The following UGT1A3 variants were observed in gnomAD, a reference collection of about 807,000 sequenced individuals.
The protein encoded by UGT1A3 is UDP-glucuronosyltransferase 1A3.
A neutral mutation model predicts 41.0 loss-of-function variants in UGT1A3; 31 were observed. That is an observed-to-expected ratio of 0.76 (90% CI 0.57 to 1.02). The LOEUF is 1.02. UGT1A3 is among the 50% of genes least tolerant of loss of function. The probability of loss-of-function intolerance (pLI) is 0.00; values close to 1 mark genes in which losing one functional copy is unlikely to be tolerated. For missense variants in UGT1A3, 737 were observed against 671.0 expected (o/e 1.10, Z -1.09); for synonymous variants, 262 against 257.6 (o/e 1.02, Z -0.17).
intron 2 of UGT1A3, 151 bp downstream of exon 2, chr2:233,767,316 TG>T: frequency 6.7e-7 from 1 of 1,493,284 alleles, no homozygotes; most frequent in Non-Finnish European, 8.8e-7. Flanking sequence ...TTTTTTTTGT[TG>T]TTGTGGTTGT....
intron 1 of UGT1A3, among the ~76,000 whole-genome samples, chr2:233,736,416 C>T (rs933216996): frequency 3.3e-5 from 5 of 152,094 alleles, no homozygotes; most frequent in Non-Finnish European, 4.4e-5. Context: ...TTCATCTAAC[C>T]TTTTTTCAAG....
intron 1 of UGT1A3, chr2:233,761,038 G>A: frequency 6.2e-7 from 1 of 1,614,174 alleles, no homozygotes; most frequent in Non-Finnish European, 8.5e-7. Flanking sequence ...ATTGAGCTCT[G>A]CATCTGTCTG....
intron 1 of UGT1A3, among the ~76,000 whole-genome samples, chr2:233,731,608 A>C (rs2078181634): frequency 6.6e-6 from 1 of 152,230 alleles, no homozygotes. Context: ...TGCAAAGGAC[A>C]TGAACTCATC....
At chr2:233,759,064 G>A (rs1398718835) in intron 1 of UGT1A3, among the ~76,000 whole-genome samples, 2 of 152,146 alleles carry the variant, frequency 1.3e-5, no homozygotes, top group Non-Finnish European at 2.9e-5. Flanking sequence ...CTCTGAAAAG[G>A]AATTTGGAAG....
In UGT1A3 at chr2:233,768,384, G is replaced by A; in HGVS notation, c.1252G>A (p.Glu418Lys). 2 of 1,614,136 alleles carry A rather than the reference G, an allele frequency of 1.2e-6. No individual in the cohort carries two copies. Among genetic ancestry groups the A allele is most frequent in the Non-Finnish European group, 1.7e-6 (2 of 1,180,028 alleles). ...KGAGVTLNVLEMTSEDLENAL... is the reference protein window; with the variant it reads ...KGAGVTLNVLKMTSEDLENAL... ...AGCTGGAGTGACCCTGAATGTTCTGGAAATGACTTCTGAAGATTTAGAAAA... is the reference window on the plus strand; with the variant it reads ...AGCTGGAGTGACCCTGAATGTTCTGAAAATGACTTCTGAAGATTTAGAAAA... The change falls in exon 4 of 5, where the codon GAA becomes AAA. Residue 418 changes from glutamate (E) to lysine (K), a missense_variant. By Grantham distance (56) the Glu-to-Lys change is moderately conservative. Transcript: ENST00000482026.
intron 1 of UGT1A3, chr2:233,741,895 C>G (rs1371352009): frequency 6.6e-6 from 1 of 151,808 alleles, no homozygotes; most frequent in Non-Finnish European, 1.5e-5. Flanking sequence ...GAAGAAGGGA[C>G]CCTTTGTGAT....
At position 233,772,404 on chromosome 2, in the gene UGT1A3, T is replaced by C; in HGVS notation, c.1450T>C (p.Trp484Arg). The change falls in exon 5 of 5, where the codon TGG becomes CGG. Residue 484 changes from tryptophan (W) to arginine (R), a missense_variant. Coordinates refer to ENST00000482026, the MANE Select transcript of UGT1A3 (RefSeq NM_019093.4). ...HLRPAAHDLT[W>R]YQYHSLDVIG... ...GCGCCCCGCAGCCCACGACCTCACC[T>C]GGTACCAGTACCATTCCTTGGACGT... is the stretch of plus-strand genomic sequence containing the variant. 6.2e-7 allele frequency: 1 copy of C among 1,614,214 alleles called. No individual in the cohort carries two copies. The highest frequency in any genetic ancestry group is 8.5e-7 in the Non-Finnish European group (1 of 1,180,034).
At position 233,768,097 on chromosome 2, in the gene UGT1A3, T is replaced by C. The variant is rs1699562988; in HGVS notation, c.1088-123T>C. On this transcript the variant is annotated intron_variant, in intron 3 of 4. Transcript: ENST00000482026. ...GGGTATCTCAACCCACATTTTCTTC[T>C]GCAAATTTCTGCAAGGGCATGTGAG... The C allele has an allele frequency of 4.4e-6, 7 of 1,590,772 alleles. No homozygotes were observed. The Admixed American group carries it at 1.2e-4, about 28-fold the overall frequency.
At chr2:233,740,403 G>A (rs1262585608) in intron 1 of UGT1A3, among the ~76,000 whole-genome samples, 1 of 151,904 alleles carries the variant, frequency 6.6e-6, no homozygotes, top group Non-Finnish European at 1.5e-5. Context: ...TCCCAAAATG[G>A]GGAAGTCTCT....
rs189112981 is a variant in UGT1A3, at chr2:233,747,187, A to C, written c.867+17194A>C. 2.8e-4 allele frequency: 449 copies of C among 1,603,370 alleles called. 14 individuals carry two copies. The African/African-American group carries it at 5.5e-3, about 19-fold the overall frequency. On this transcript the variant is annotated intron_variant, in intron 1 of 4. Coordinates refer to ENST00000482026, the MANE Select transcript of UGT1A3 (RefSeq NM_019093.4). ...GTAGGAGGCACAGCGTGGGGTGGACAGTCAGCTGTCCGTGTCTTCTGCTGA... is the reference window on the plus strand; with the variant it reads ...GTAGGAGGCACAGCGTGGGGTGGACCGTCAGCTGTCCGTGTCTTCTGCTGA...
chr2:233,763,837 A>G (rs1269995830), intron 1 of UGT1A3, among the ~76,000 whole-genome samples: 1 of 152,238 alleles, frequency 6.6e-6, no homozygotes, highest in Non-Finnish European at 1.5e-5. Context: ...CTGCCAGGGT[A>G]AGATAGCAGT....
At chr2:233,763,105 T>C (rs1443643010) in intron 1 of UGT1A3, among the ~76,000 whole-genome samples, 1 of 152,254 alleles carries the variant, frequency 6.6e-6, no homozygotes, top group Non-Finnish European at 1.5e-5. Context: ...GGCACCGAAC[T>C]TTATCAGCTG....
chr2:233,730,291 G>T (rs962328046), intron 1 of UGT1A3, among the ~76,000 whole-genome samples: 2 of 152,200 alleles, frequency 1.3e-5, no homozygotes, highest in African/African-American at 4.8e-5. Context: ...CTTCATGGTT[G>T]TGCATGTCCT....
At position 233,767,125 on chromosome 2, in the gene UGT1A3, C is replaced by T. The variant is rs775405878; in HGVS notation, c.959C>T (p.Ala320Val). 2.5e-6 allele frequency: 4 copies of T among 1,614,092 alleles called. No individual in the cohort carries two copies. Among genetic ancestry groups the T allele is most frequent in the Non-Finnish European group, 3.4e-6 (4 of 1,180,014 alleles). The part of the protein sequence containing the change: ...SMVSEIPEKK[A>V]MAIADALGKI... ...GTCTCAGAAATTCCAGAGAAGAAAG[C>T]TATGGCAATTGCTGATGCTTTGGGC... Residue 320 changes from alanine to valine, a missense_variant, in exon 2 of 5, where the codon GCT becomes GTT. By Grantham distance (64) the Ala-to-Val change is moderately conservative. Coordinates refer to ENST00000482026, the MANE Select transcript of UGT1A3 (RefSeq NM_019093.4).
chr2:233,759,264 GCTGCATT>G (rs1697095056), intron 1 of UGT1A3, among the ~76,000 whole-genome samples: 1 of 152,204 alleles, frequency 6.6e-6, no homozygotes, highest in South Asian at 2.1e-4. Context: ...GGTCACTGCA[GCTGCATT>G]CTGATTGGTT....
In UGT1A3 at chr2:233,760,202, A is replaced by ACAT. The variant is rs1697345011; in HGVS notation, c.868-6831_868-6829dup. ...TTTTATAGTCACGTGACACAGTCAA[A>ACAT]CATTAACTTGGTGTATCGATTGGTT... is the stretch of plus-strand genomic sequence containing the variant. On this transcript the variant is annotated intron_variant, in intron 1 of 4. Transcript: ENST00000482026. The ACAT allele has an allele frequency of 2.7e-5, 43 of 1,583,728 alleles. No homozygotes were observed. In the South Asian group the frequency reaches 4.6e-4, roughly 17 times the overall value.
At chr2:233,734,824 TTGAG>T (rs1349043445) in intron 1 of UGT1A3, among the ~76,000 whole-genome samples, 2 of 152,248 alleles carry the variant, frequency 1.3e-5, no homozygotes, top group African/African-American at 4.8e-5. Flanking sequence ...TTGTGCGATT[TTGAG>T]TGAGTTTCTT....
At chr2:233,770,350 T>C (rs1700063045) in intron 4 of UGT1A3, 1 of 152,104 alleles carries the variant, frequency 6.6e-6, no homozygotes, top group Non-Finnish European at 1.5e-5. Flanking sequence ...CAATTACTAT[T>C]GAATGAATGA....
intron 1 of UGT1A3, among the ~76,000 whole-genome samples, chr2:233,750,128 G>A (rs1357269719): frequency 6.6e-6 from 1 of 151,932 alleles, no homozygotes; most frequent in Non-Finnish European, 1.5e-5. Flanking sequence ...ATGTGGGAAA[G>A]TTTGGAACTT....
Sources: gnomAD v4.1 joint callset for allele counts (sites outside exome capture counted in the v4.1 genomes callset) on GRCh38, gnomAD v4.1.1 for gene constraint, MANE v1.5 for transcripts, NCBI Gene and HGNC (gene_info 2026-07-23, HGNC 2026-07-21) for gene names.